CACNA2D3: variants seen among roughly 807,000 people sequenced by gnomAD.
CACNA2D3 encodes the protein calcium voltage-gated channel auxiliary subunit alpha2delta 3, also known as voltage-dependent calcium channel subunit alpha-2/delta-3.
CACNA2D3 carries 60 observed loss-of-function variants against 160.6 expected under a neutral mutation model. The ratio of observed to expected loss-of-function variants is 0.37; its 90% confidence interval spans 0.30 to 0.46. The LOEUF (loss-of-function observed/expected upper bound fraction) is 0.46, where lower values mean the gene tolerates loss of function less well. Among genes scored for constraint, CACNA2D3 ranks in the 20% least tolerant of loss-of-function variants. The pLI, the probability that CACNA2D3 is intolerant of heterozygous loss-of-function variation, is 1.00. For synonymous variants in CACNA2D3, 558 were observed against 492.9 expected, an observed-to-expected ratio of 1.13 and a Z score of -1.75; for missense variants, 1,205 against 1,365.0, an observed-to-expected ratio of 0.88 and a Z score of 1.85.
chr3:54,149,930 T>TCTCTCTCTCC (rs1559863338), intron 2 of CACNA2D3, among the ~76,000 whole-genome samples: 6 of 40,452 alleles, frequency 1.5e-4, no homozygotes, highest in Non-Finnish European at 2.2e-4. Flanking sequence ...TCTCTCTCTC[T>TCTCTCTCTCC]CCCTCCCTCC....
intron 8 of CACNA2D3, among the ~76,000 whole-genome samples, chr3:54,580,189 A>G (rs866733557): frequency 6.6e-6 from 1 of 151,990 alleles, no homozygotes; most frequent in African/African-American, 2.4e-5. Context: ...GTGCTTGCCA[A>G]ACGGTGCTAA....
At chr3:54,126,664 T>C (rs1040483099) in intron 2 of CACNA2D3, among the ~76,000 whole-genome samples, 2 of 152,148 alleles carry the variant, frequency 1.3e-5, no homozygotes, top group African/African-American at 2.4e-5. Flanking sequence ...GAATGGAAGA[T>C]TGTGGGACTT....
At chr3:54,228,667 T>C (rs564112926) in intron 2 of CACNA2D3, among the ~76,000 whole-genome samples, 1 of 152,346 alleles carries the variant, frequency 6.6e-6, no homozygotes, top group East Asian at 1.9e-4. Flanking sequence ...TTATTCTTTC[T>C]CCCATTATTG....
chr3:54,970,637 T>TTC (rs1476387586), intron 29 of CACNA2D3, among the ~76,000 whole-genome samples: 1 of 116,238 alleles, frequency 8.6e-6, no homozygotes, highest in Non-Finnish European at 1.8e-5. Flanking sequence ...TCTCCTCTTT[T>TTC]TCTCTCTCTC....
chr3:54,290,974 G>A (rs1318986974), intron 2 of CACNA2D3, among the ~76,000 whole-genome samples: 12 of 152,066 alleles, frequency 7.9e-5, no homozygotes, highest in Non-Finnish European at 1.8e-4. Flanking sequence ...GAGTTAATGG[G>A]TGCAGCACAC....
chr3:55,001,685 G>A (rs920260880), intron 31 of CACNA2D3, among the ~76,000 whole-genome samples: 3 of 152,178 alleles, frequency 2.0e-5, no homozygotes, highest in Non-Finnish European at 2.9e-5. Context: ...TTAAGAGCCC[G>A]AACTCTAACA....
chr3:54,925,092 A>T (rs1404944644), intron 27 of CACNA2D3: 1 of 1,614,092 alleles, frequency 6.2e-7, no homozygotes, highest in Non-Finnish European at 8.5e-7. Context: ...ATGGGAAGGG[A>T]TTTCGGCCAG....
chr3:55,068,883 G>C (rs1226745128), intron 35 of CACNA2D3, among the ~76,000 whole-genome samples: 1 of 152,168 alleles, frequency 6.6e-6, no homozygotes, highest in Non-Finnish European at 1.5e-5. Context: ...TAAAACTACA[G>C]AGAAATAGGG....
chr3:54,980,749 C>G (rs1702489216), intron 29 of CACNA2D3, among the ~76,000 whole-genome samples: 2 of 152,120 alleles, frequency 1.3e-5, no homozygotes, highest in Non-Finnish European at 2.9e-5. Flanking sequence ...AATAGGTAAG[C>G]TGAACAATTT....
At chr3:54,808,689 A>G (rs529098018) in intron 13 of CACNA2D3, among the ~76,000 whole-genome samples, 21 of 152,272 alleles carry the variant, frequency 1.4e-4, no homozygotes, top group African/African-American at 3.9e-4. Flanking sequence ...AGTGTTCTGG[A>G]TTTCTCACCT....
chr3:54,231,939 C>T (rs1011831829), intron 2 of CACNA2D3, among the ~76,000 whole-genome samples: 58 of 152,154 alleles, frequency 3.8e-4, no homozygotes, highest in East Asian at 1.9e-4. Context: ...TGGCCCTTGG[C>T]GCAGCTGCCG....
At chr3:54,965,646 G>C (rs1454955991) in intron 27 of CACNA2D3, among the ~76,000 whole-genome samples, 1 of 152,196 alleles carries the variant, frequency 6.6e-6, no homozygotes, top group African/African-American at 2.4e-5. Flanking sequence ...GAAATTGTGA[G>C]TCCCTTAATC....
intron 11 of CACNA2D3, among the ~76,000 whole-genome samples, chr3:54,645,533 C>A (rs1478458545): frequency 2.0e-5 from 3 of 152,170 alleles, no homozygotes; most frequent in Non-Finnish European, 4.4e-5. Flanking sequence ...TTGGACATGA[C>A]CCTCATCACC....
chr3:54,749,528 A>G (rs1701817699), intron 11 of CACNA2D3, among the ~76,000 whole-genome samples: 1 of 152,178 alleles, frequency 6.6e-6, no homozygotes, highest in Non-Finnish European at 1.5e-5. Context: ...TCCAGCTATA[A>G]GATAAATGCC....
At chr3:54,126,124 T>C (rs904600167) in intron 2 of CACNA2D3, among the ~76,000 whole-genome samples, 24 of 152,234 alleles carry the variant, frequency 1.6e-4, no homozygotes, top group African/African-American at 5.3e-4. Flanking sequence ...CCATATAATT[T>C]TATGTATTTT....
At chr3:54,437,131 C>A (rs548086632) in intron 4 of CACNA2D3, among the ~76,000 whole-genome samples, 4 of 152,232 alleles carry the variant, frequency 2.6e-5, no homozygotes, top group African/African-American at 9.6e-5. Flanking sequence ...GTATTCCTTC[C>A]AAAATGGGTA....
At position 54,744,725 on chromosome 3, in the gene CACNA2D3, C is replaced by T. The variant is rs1382729644; in HGVS notation, c.1168-7874C>T. Among the ~76,000 whole-genome samples, 5 of 152,222 alleles carry T rather than the reference C, an allele frequency of 3.3e-5. No individual in the cohort carries two copies. The East Asian group carries it at 9.6e-4, about 29-fold the overall frequency. ...ATCTATGGATGGAAGACTTGGCTTT[C>T]CTTGGCTCCCTTTGTTTAGTTTCAC... is the stretch of plus-strand genomic sequence containing the variant. On this transcript the variant is annotated intron_variant, in intron 11 of 37. Transcript: ENST00000474759.
intron 2 of CACNA2D3, among the ~76,000 whole-genome samples, chr3:54,160,499 CAAAAAAAATAAAATA>C (rs1201069739): frequency 6.6e-6 from 1 of 151,538 alleles, no homozygotes; most frequent in East Asian, 1.9e-4. Context: ...GACTCTGTCT[CAAAAAAAATAAAATA>C]AAATAAAATA....
intron 4 of CACNA2D3, among the ~76,000 whole-genome samples, chr3:54,494,670 G>A (rs1023087910): frequency 2.6e-5 from 4 of 152,186 alleles, no homozygotes; most frequent in African/African-American, 4.8e-5. Flanking sequence ...TGCTGTATTA[G>A]TCTGTTTTCA....
Sources: allele counts gnomAD v4.1 joint callset (sites outside exome capture counted in the v4.1 genomes callset), GRCh38; gene constraint gnomAD v4.1.1; transcripts MANE v1.5; gene names NCBI Gene and HGNC (gene_info 2026-07-23, HGNC 2026-07-21).